The following TAOK1 variants were observed in gnomAD, a reference collection of about 807,000 sequenced individuals.
TAOK1 encodes TAO kinase 1, also known as serine/threonine-protein kinase TAO1.
TAOK1 carries 21 observed loss-of-function variants against 138.3 expected under a neutral mutation model. The ratio of observed to expected loss-of-function variants is 0.15; its 90% CI spans 0.11 to 0.22. The LOEUF (loss-of-function observed/expected upper bound fraction) is 0.22. Among genes scored for constraint, TAOK1 ranks in the 10% least tolerant of loss-of-function variants. TAOK1 has a pLI of 1.00. For missense variants in TAOK1, 651 were observed against 1,227.7 expected (o/e 0.53, Z 7.02); for synonymous variants, 361 against 398.4 (o/e 0.91, Z 1.12).
At chr17:29,398,559 T>C (rs1054585259) in intron 1 of TAOK1, among the ~76,000 whole-genome samples, 35 of 151,728 alleles carry the variant, frequency 2.3e-4, no homozygotes, top group African/African-American at 8.0e-4. Context: ...GATGGAGTTT[T>C]GCTCTTGTTG....
intron 3 of TAOK1, among the ~76,000 whole-genome samples, chr17:29,472,943 G>C (rs1223656303): frequency 6.6e-6 from 1 of 152,142 alleles, no homozygotes; most frequent in Non-Finnish European, 1.5e-5. Context: ...CAGAATGGAT[G>C]GTGTATTAGC....
chr17:29,509,255 TG>T (rs2031677071), intron 14 of TAOK1, among the ~76,000 whole-genome samples: 1 of 152,126 alleles, frequency 6.6e-6, no homozygotes. Flanking sequence ...CTGCAACCTC[TG>T]CTCTCCAAGT....
chr17:29,424,954 C>CT (rs1905587130), intron 1 of TAOK1: 1 of 152,094 alleles, frequency 6.6e-6, no homozygotes, highest in African/African-American at 2.4e-5. Context: ...ATTACTCTAC[C>CT]TGTGCTAAAG....
intron 10 of TAOK1, among the ~76,000 whole-genome samples, chr17:29,494,804 CAACA>C (rs1415561939): frequency 1.6e-5 from 2 of 122,948 alleles, no homozygotes; most frequent in Non-Finnish European, 3.1e-5. Context: ...CCAGCCTGGG[CAACA>C]GAGGGAGACT....
chr17:29,418,222 T>C (rs901811589), intron 1 of TAOK1, among the ~76,000 whole-genome samples: 2 of 152,052 alleles, frequency 1.3e-5, no homozygotes, highest in Non-Finnish European at 2.9e-5. Context: ...CTTGCTCTGT[T>C]GCCGAAGCTA....
intron 1 of TAOK1, among the ~76,000 whole-genome samples, chr17:29,411,578 C>T (rs906604610): frequency 6.6e-6 from 1 of 150,906 alleles, no homozygotes; most frequent in Admixed American, 6.6e-5. Context: ...TTTGTGGTAG[C>T]GATGGTGTTT....
At chr17:29,426,957 T>C (rs1329799735) in intron 1 of TAOK1, among the ~76,000 whole-genome samples, 1 of 152,164 alleles carries the variant, frequency 6.6e-6, no homozygotes, top group Non-Finnish European at 1.5e-5. Context: ...TACCATAAAT[T>C]TAAGTTAAAC....
intron 1 of TAOK1, among the ~76,000 whole-genome samples, chr17:29,446,445 G>A (rs1031758983): frequency 2.0e-5 from 3 of 152,212 alleles, no homozygotes; most frequent in Middle Eastern, 3.4e-3. Flanking sequence ...GTTTCACCGT[G>A]TTAGCCAGGA....
intron 19 of TAOK1, among the ~76,000 whole-genome samples, chr17:29,536,456 C>T (rs2032224481): frequency 6.6e-6 from 1 of 151,268 alleles, no homozygotes; most frequent in African/African-American, 2.4e-5. Flanking sequence ...AAAATTAACC[C>T]GGGCATGATG....
chr17:29,486,590 G>T (rs1350665096), intron 8 of TAOK1, among the ~76,000 whole-genome samples: 1 of 151,948 alleles, frequency 6.6e-6, no homozygotes, highest in Non-Finnish European at 1.5e-5. Flanking sequence ...CCGAGATCGT[G>T]CCACTTCACT....
intron 1 of TAOK1, among the ~76,000 whole-genome samples, chr17:29,420,045 A>ATTT (rs879576966): frequency 7.1e-6 from 1 of 140,408 alleles, no homozygotes. Context: ...CACCTGGCTA[A>ATTT]TTTTTTTTTT....
At chr17:29,486,252 G>A (rs1033946120) in intron 8 of TAOK1, among the ~76,000 whole-genome samples, 2 of 152,152 alleles carry the variant, frequency 1.3e-5, no homozygotes, top group Admixed American at 1.3e-4. Flanking sequence ...TCGCGCCACT[G>A]CACTCCAGCC....
At chr17:29,412,321 G>T (rs986294205) in intron 1 of TAOK1, among the ~76,000 whole-genome samples, 2 of 152,032 alleles carry the variant, frequency 1.3e-5, no homozygotes, top group Non-Finnish European at 2.9e-5. Context: ...GGGATTACAG[G>T]TGTGAGCCCC....
chr17:29,487,929 C>T (rs1299526677), intron 8 of TAOK1, among the ~76,000 whole-genome samples: 2 of 152,016 alleles, frequency 1.3e-5, no homozygotes, highest in Admixed American at 6.6e-5. Context: ...AAATGAATAC[C>T]ATCAGTAACA....
At chr17:29,468,750 C>G (rs2030742714) in intron 3 of TAOK1, among the ~76,000 whole-genome samples, 1 of 151,030 alleles carries the variant, frequency 6.6e-6, no homozygotes, top group Admixed American at 6.6e-5. Context: ...GATTTCACCA[C>G]GTTGGCCAGG....
rs534923674 is a variant in TAOK1 at position 29,392,331 on chromosome 17, A to AT, written c.-95+1315dup. Among the ~76,000 whole-genome samples the AT allele has an allele frequency of 2.7e-4, 41 of 152,136 alleles. 1 individual carries two copies. The South Asian group carries it at 6.8e-3, about 25-fold the overall frequency. On this transcript the variant is annotated intron_variant, in intron 1 of 19. Coordinates refer to ENST00000261716, the MANE Select transcript of TAOK1 (RefSeq NM_020791.4). ...CTGTTGTGTATAATATTGAAATTGG[A>AT]TTTTTTTTAAAATGGTAAGGTTACA...
intron 19 of TAOK1, among the ~76,000 whole-genome samples, chr17:29,537,135 G>A (rs1345281033): frequency 1.3e-5 from 2 of 152,134 alleles, no homozygotes; most frequent in Admixed American, 1.3e-4. Context: ...ATTAAAGTAT[G>A]GTTATAATTT....
chr17:29,482,420 G>A (rs991494062), intron 8 of TAOK1, 132 bp downstream of exon 8: 1 of 709,480 alleles, frequency 1.4e-6, no homozygotes, highest in African/African-American at 1.8e-5. Flanking sequence ...CATTTATTAA[G>A]GTTTTCACTT....
chr17:29,506,643 A>G (rs904804400), intron 13 of TAOK1, among the ~76,000 whole-genome samples: 13 of 143,240 alleles, frequency 9.1e-5, no homozygotes, highest in African/African-American at 3.2e-4. Context: ...AATGATGCAT[A>G]AGGTGATGGA....
Sources: allele counts gnomAD v4.1 joint callset (sites outside exome capture counted in the v4.1 genomes callset), GRCh38; gene constraint gnomAD v4.1.1; transcripts MANE v1.5; gene names NCBI Gene and HGNC (gene_info 2026-07-23, HGNC 2026-07-21).